ZC3H6: variants seen among roughly 807,000 people sequenced by gnomAD.
The protein encoded by ZC3H6 is zinc finger CCCH-type containing 6.
ZC3H6 carries 40 observed loss-of-function variants against 107.7 expected under a neutral mutation model. The ratio of observed to expected loss-of-function variants is 0.37; its 90% CI spans 0.29 to 0.48. The LOEUF is 0.48. Ranked by LOEUF, ZC3H6 falls within the 20% of genes least tolerant of loss-of-function variation. The pLI is 0.98. For missense variants in ZC3H6, 1,267 were observed against 1,410.4 expected (o/e 0.90, Z 1.63); for synonymous variants, 493 against 487.9 (o/e 1.01, Z -0.14).
rs1573968524 is a variant in ZC3H6 at position 112,333,037 on chromosome 2, ATAT to A, written c.*554_*556del. The A allele has an allele frequency of 1.3e-5, 2 of 152,672 alleles. No individual in the cohort carries two copies. Among genetic ancestry groups the A allele is most frequent in the African/African-American group, 2.4e-5 (1 of 41,464 alleles). 9.5% of individuals were successfully genotyped at this position (152,672 alleles called of 1,614,324 possible). On this transcript the variant is annotated 3_prime_UTR_variant, in exon 12 of 12. Coordinates refer to ENST00000409871, the MANE Select transcript of ZC3H6 (RefSeq NM_198581.3). ...GGCATCACTTTTATTAGTATTGGCA[ATAT>A]TATTTGTGTAAATGAAGCATTTGAA...
intron 3 of ZC3H6, among the ~76,000 whole-genome samples, chr2:112,307,016 G>A (rs754404322): frequency 7.2e-5 from 11 of 152,152 alleles, no homozygotes; most frequent in African/African-American, 1.2e-4. Flanking sequence ...GTCTACAAAC[G>A]GATTTAAGAA....
intron 3 of ZC3H6, among the ~76,000 whole-genome samples, chr2:112,309,048 G>A (rs1244601671): frequency 1.3e-5 from 2 of 151,966 alleles, no homozygotes; most frequent in African/African-American, 4.8e-5. Context: ...GCGAGACTCT[G>A]TCTCAAAAGA....
Position 112,339,483 on chromosome 2 carries a change from G to A in ZC3H6, c.*6995G>A, listed in dbSNP as rs1309234772. 1.3e-5 allele frequency: 2 copies of A among 152,150 alleles called. No homozygotes were observed. The highest frequency in any genetic ancestry group is 1.5e-5 in the Non-Finnish European group (1 of 68,050). 9.4% of individuals were successfully genotyped at this position (152,150 alleles called of 1,614,324 possible). The stretch of plus-strand genomic sequence containing the variant: ...TCCACCCAGAATTCAGAAAGGGTTT[G>A]GCATAGATCCAGGGCTCCAGGGCCC... On this transcript the variant is annotated 3_prime_UTR_variant, in exon 12 of 12. Coordinates refer to ENST00000409871, the MANE Select transcript of ZC3H6 (RefSeq NM_198581.3).
intron 7 of ZC3H6, among the ~76,000 whole-genome samples, chr2:112,320,089 C>A (rs192489425): frequency 6.6e-6 from 1 of 152,054 alleles, no homozygotes; most frequent in East Asian, 1.9e-4. Flanking sequence ...TGCACCACCA[C>A]GCCTGGCTAA....
chr2:112,312,948 A>G (rs1676620521), intron 5 of ZC3H6, among the ~76,000 whole-genome samples: 1 of 151,656 alleles, frequency 6.6e-6, no homozygotes, highest in African/African-American at 2.4e-5. Flanking sequence ...TGGTTTTCTG[A>G]TCTCTCAGTT....
intron 11 of ZC3H6, among the ~76,000 whole-genome samples, chr2:112,327,551 C>G (rs570286657): frequency 1.3e-5 from 2 of 152,128 alleles, no homozygotes; most frequent in African/African-American, 4.8e-5. Context: ...TGGTTGCCTA[C>G]GCTTGTGAGG....
At chr2:112,285,277 C>T (rs1426014330) in intron 1 of ZC3H6, among the ~76,000 whole-genome samples, 1 of 151,800 alleles carries the variant, frequency 6.6e-6, no homozygotes, top group Non-Finnish European at 1.5e-5. Flanking sequence ...TTTTAACATA[C>T]AAAGTGACAC....
At chr2:112,302,306 AAAGAC>A (rs1676393576) in intron 2 of ZC3H6, among the ~76,000 whole-genome samples, 1 of 152,164 alleles carries the variant, frequency 6.6e-6, no homozygotes, top group Non-Finnish European at 1.5e-5. Flanking sequence ...TCAAATCAAC[AAAGAC>A]AAAAGCAATA....
chr2:112,299,813 G>T (rs778276686), intron 1 of ZC3H6, 36 bp from the exon 2 acceptor site: 17 of 1,317,956 alleles, frequency 1.3e-5, no homozygotes, highest in Non-Finnish European at 4.9e-6. Flanking sequence ...ATTTGTTTTA[G>T]AATGATATTT....
At chr2:112,323,086 G>C (rs1392281468) in intron 9 of ZC3H6, among the ~76,000 whole-genome samples, 184 bp downstream of exon 9, 1 of 152,120 alleles carries the variant, frequency 6.6e-6, no homozygotes, top group Non-Finnish European at 1.5e-5. Context: ...TGCCATCAGT[G>C]CTTTCCCATA....
At chr2:112,295,954 C>G (rs1001079744) in intron 1 of ZC3H6, among the ~76,000 whole-genome samples, 4 of 151,852 alleles carry the variant, frequency 2.6e-5, no homozygotes, top group Non-Finnish European at 5.9e-5. Flanking sequence ...TTTTTTTATG[C>G]TTTAAGGAGC....
chr2:112,338,688 A>G lies in ZC3H6; in HGVS notation c.*6200A>G, dbSNP rs886820134. The G allele has an allele frequency of 6.6e-6, 1 of 151,834 alleles. No homozygotes were observed. Among genetic ancestry groups the G allele is most frequent in the Non-Finnish European group, 1.5e-5 (1 of 67,960 alleles). 9.4% of individuals were successfully genotyped at this position (151,834 alleles called of 1,614,324 possible). A position where few individuals can be genotyped will look rare whatever the true frequency, so the allele number is the denominator to read the frequency against. On this transcript the variant is annotated 3_prime_UTR_variant, in exon 12 of 12. Transcript: ENST00000409871. Reference sequence around the variant, plus strand: ...ACCTTCATGAGAGTATTAAGGTTGAAAGGAATGGTGAAATTTGCATTATCA... The same window carrying G: ...ACCTTCATGAGAGTATTAAGGTTGAGAGGAATGGTGAAATTTGCATTATCA...
In ZC3H6 at chr2:112,317,198, C is replaced by CTTTTCT. The variant is rs1553494823; in HGVS notation, c.865-19_865-18insCTTTTT. The CTTTTCT allele has an allele frequency of 3.5e-5, 36 of 1,027,702 alleles. No individual in the cohort carries two copies. In the East Asian group the frequency reaches 1.2e-3, roughly 35 times the overall value. The allele number at this position is 1,027,702 out of a possible 1,614,324, so 63.7% of individuals were successfully genotyped here. A position where few individuals can be genotyped will look rare whatever the true frequency, so the allele number is the denominator to read the frequency against. On this transcript the variant is annotated intron_variant, in intron 6 of 11. Transcript: ENST00000409871. ...TGTTTCTTACCTTTTTTTCTTTTTT[C>CTTTTCT]TTTTTTTTTTTTTTGTGAATAGGGA...
chr2:112,315,699 G>A (rs904479887), intron 5 of ZC3H6, among the ~76,000 whole-genome samples: 10 of 151,918 alleles, frequency 6.6e-5, no homozygotes, highest in East Asian at 3.9e-4. Flanking sequence ...AGGTTCAAGC[G>A]ATTCTCGTGC....
chr2:112,285,350 A>G (rs1268258237), intron 1 of ZC3H6, among the ~76,000 whole-genome samples: 1 of 151,966 alleles, frequency 6.6e-6, no homozygotes, highest in East Asian at 1.9e-4. Flanking sequence ...ATATTCAGAT[A>G]CTGAGTAAAT....
At position 112,286,008 on chromosome 2, in the gene ZC3H6, T is replaced by A. The variant is rs1026823594; in HGVS notation, c.32+9982T>A. ...TCTGTTGTTGTTGTTTGTTTAATGA[T>A]TAATAGATGATTTATTTAAGCAAGA... On this transcript the variant is annotated intron_variant, in intron 1 of 11. Coordinates refer to ENST00000409871, the MANE Select transcript of ZC3H6 (RefSeq NM_198581.3). 14 of 222,156 alleles carry A rather than the reference T, an allele frequency of 6.3e-5. No individual in the cohort carries two copies. The East Asian group carries it at 1.6e-3, about 25-fold the overall frequency. The allele number at this position is 222,156 out of a possible 1,614,324, so 13.8% of individuals were successfully genotyped here.
chr2:112,313,747 G>C (rs575826064), intron 5 of ZC3H6, among the ~76,000 whole-genome samples: 13 of 152,258 alleles, frequency 8.5e-5, no homozygotes, highest in South Asian at 4.1e-4. Context: ...TCTGCAGGTG[G>C]CCCATCCAGA....
Position 112,335,202 on chromosome 2 carries a change from G to A in ZC3H6, c.*2714G>A, listed in dbSNP as rs1677118570. ...TTTCAAACTCTATTTCAACAATTGG[G>A]TCTGTTTCTATATGGACCCTCTATT... is the stretch of plus-strand genomic sequence containing the variant. On this transcript the variant is annotated 3_prime_UTR_variant, in exon 12 of 12. Transcript: ENST00000409871. 1 of 152,122 alleles carries A rather than the reference G, an allele frequency of 6.6e-6. No individual in the cohort carries two copies. Among genetic ancestry groups the A allele is most frequent in the African/African-American group, 2.4e-5 (1 of 41,404 alleles). 9.4% of individuals were successfully genotyped at this position (152,122 alleles called of 1,614,324 possible).
chr2:112,319,711 A>G (rs1676766475), intron 7 of ZC3H6, among the ~76,000 whole-genome samples: 1 of 152,126 alleles, frequency 6.6e-6, no homozygotes, highest in Non-Finnish European at 1.5e-5. Context: ...TTTACAACAA[A>G]TGATGAAAGT....
Sources: allele counts gnomAD v4.1 joint callset (sites outside exome capture counted in the v4.1 genomes callset), GRCh38; gene constraint gnomAD v4.1.1; transcripts MANE v1.5; gene names NCBI Gene and HGNC (gene_info 2026-07-23, HGNC 2026-07-21).